CAPG: variants seen among roughly 807,000 people sequenced by gnomAD.
CAPG encodes the protein macrophage-capping protein.
CAPG carries 32 observed loss-of-function variants against 44.6 expected under a neutral mutation model. The observed-to-expected ratio is 0.72, with a 90% CI of 0.54 to 0.96. The LOEUF is 0.96. Among genes scored for constraint, CAPG ranks in the 50% least tolerant of loss-of-function variants. CAPG has a pLI of 0.00. For synonymous variants in CAPG, 175 were observed against 179.6 expected (o/e 0.97, Z 0.20); for missense variants, 412 against 438.3 (o/e 0.94, Z 0.54).
chr2:85,395,817 C>T lies in CAPG; in HGVS notation c.893-191G>A, dbSNP rs910656881. ...CAGTCCCTTAAGAATTTTCCCAAAC[C>T]GGCAGCACCAAGGTAGATGAAAACC... On this transcript the variant is annotated intron_variant, in intron 8 of 9. Coordinates refer to ENST00000263867, the MANE Select transcript of CAPG (RefSeq NM_001747.4). This position sits in a 1 kb window ranked among gnomAD's most constrained non-coding sequence, Gnocchi z 4.3. Among the ~76,000 whole-genome samples, 4 of 152,108 alleles carry T rather than the reference C, an allele frequency of 2.6e-5. No homozygotes were observed. The highest frequency in any genetic ancestry group is 3.2e-3 in the Middle Eastern group (1 of 316).
Position 85,395,703 on chromosome 2 carries a change from T to A in CAPG, c.893-77A>T. ...CCATCCCATTTTTCTTGAGGAAATT[T>A]AAGGGAGTCCACAGAAGAGCCAGCA... On this transcript the variant is annotated intron_variant, in intron 8 of 9. Transcript: ENST00000263867. The surrounding 1 kb of genome is among the most constrained non-coding windows in gnomAD (Gnocchi z 4.3). 1 of 1,058,068 alleles carries A rather than the reference T, an allele frequency of 9.5e-7. No homozygotes were observed. The highest frequency in any genetic ancestry group is 1.4e-6 in the Non-Finnish European group (1 of 703,366). 65.5% of individuals were successfully genotyped at this position (1,058,068 alleles called of 1,614,324 possible). A position where few individuals can be genotyped will look rare whatever the true frequency, so the allele number is the denominator to read the frequency against.
chr2:85,401,845 C>A lies in CAPG; in HGVS notation c.136G>T (p.Asp46Tyr). 3 of 1,614,140 alleles carry A rather than the reference C, an allele frequency of 1.9e-6. No homozygotes were observed. The highest frequency in any genetic ancestry group is 2.5e-6 in the Non-Finnish European group (3 of 1,180,014). Residue 46 changes from aspartate (D) to tyrosine (Y), a missense_variant, in exon 3 of 10, where the codon GAC becomes TAC. Physicochemically the swap from Asp to Tyr is radical, Grantham distance 160 (BLOSUM62 -3). Transcript: ENST00000263867. ...QENQGVFFSG[D>Y]SYLVLHNGPE... The stretch of plus-strand genomic sequence containing the variant: ...CCATTGTGCAGCACTAGGTAGGAGT[C>A]CCCCGAGAAGAAGACGCCCTGGTTC...
chr2:85,403,031 A>G (rs1686978045), intron 1 of CAPG, among the ~76,000 whole-genome samples: 1 of 152,256 alleles, frequency 6.6e-6, no homozygotes, highest in African/African-American at 2.4e-5. Context: ...TCAGCCTCCC[A>G]AAGTGTTGGT....
At chr2:85,418,811 A>T (rs779756776), upstream of CAPG, 2 of 152,192 alleles carry the variant, frequency 1.3e-5, no homozygotes, top group Non-Finnish European at 2.9e-5. Flanking sequence ...TGGGGAAGAG[A>T]TGGCCTTCTC....
chr2:85,393,838 A>T (rs1686472368), downstream of CAPG, among the ~76,000 whole-genome samples: 1 of 152,230 alleles, frequency 6.6e-6, no homozygotes, highest in South Asian at 2.1e-4. Flanking sequence ...TGCTGGGGTT[A>T]TAGGCGTGAA....
At chr2:85,418,066 A>T (rs952583183) in intron 1 of CAPG, among the ~76,000 whole-genome samples, 1 of 152,102 alleles carries the variant, frequency 6.6e-6, no homozygotes, top group Non-Finnish European at 1.5e-5. Context: ...TCAAGCCTGT[A>T]AGGTAACTAG....
upstream of CAPG, among the ~76,000 whole-genome samples, chr2:85,412,063 A>G (rs1476162836): frequency 1.4e-5 from 2 of 147,576 alleles, no homozygotes; most frequent in Non-Finnish European, 1.5e-5. Flanking sequence ...CTCCATCTCA[A>G]AAAAAAAAAA....
At chr2:85,408,090 C>T (rs1169771714) in intron 1 of CAPG, among the ~76,000 whole-genome samples, 2 of 152,122 alleles carry the variant, frequency 1.3e-5, no homozygotes, top group East Asian at 3.8e-4. Context: ...TGCCTGTAAT[C>T]CCAGAACTTT....
At chr2:85,414,043 G>C (rs1286827594), upstream of CAPG, 1 of 152,390 alleles carries the variant, frequency 6.6e-6, no homozygotes, top group Non-Finnish European at 1.5e-5. Context: ...GCCCCCTGGA[G>C]GTGCGCGGCC....
intron 6 of CAPG, 86 bp from the exon 7 acceptor site, chr2:85,398,868 T>C: frequency 9.2e-7 from 1 of 1,085,174 alleles, no homozygotes; most frequent in Non-Finnish European, 1.3e-6. Flanking sequence ...CTGCTTCTGG[T>C]GGGGCAAACT....
chr2:85,405,670 C>T (rs192566934), intron 1 of CAPG, among the ~76,000 whole-genome samples: 2 of 152,318 alleles, frequency 1.3e-5, no homozygotes, highest in East Asian at 3.9e-4. Flanking sequence ...TATGACTTTC[C>T]TTTTCCTTTC....
downstream of CAPG, among the ~76,000 whole-genome samples, chr2:85,392,441 TG>T (rs112353081): frequency 1.4e-5 from 2 of 141,564 alleles, no homozygotes; most frequent in Non-Finnish European, 3.1e-5. Flanking sequence ...AGCTGGGGAG[TG>T]GGGGGCAGGT....
chr2:85,398,440 G>A (rs1295223010), intron 7 of CAPG: 1 of 589,688 alleles, frequency 1.7e-6, no homozygotes, highest in Non-Finnish European at 3.0e-6. Flanking sequence ...GAAAAGCTCA[G>A]CATTGGCTTC....
chr2:85,399,473 C>T (rs1393090433), intron 5 of CAPG, among the ~76,000 whole-genome samples, 188 bp from the exon 6 acceptor site: 1 of 152,218 alleles, frequency 6.6e-6, no homozygotes, highest in Non-Finnish European at 1.5e-5. Flanking sequence ...AACTGTTTCT[C>T]TGCCCACCTG....
chr2:85,395,427 G>A lies in CAPG; in HGVS notation c.981+111C>T. The stretch of plus-strand genomic sequence containing the variant: ...TGGATGGGTCTAAGAGGGAGGCCTG[G>A]TTGTTCCTGACAGTGCCCAAGGCTC... On this transcript the variant is annotated intron_variant, in intron 9 of 9. Transcript: ENST00000263867. This position sits in a 1 kb window ranked among gnomAD's most constrained non-coding sequence, Gnocchi z 4.3. 2 of 787,370 alleles carry A rather than the reference G, an allele frequency of 2.5e-6. No homozygotes were observed. Among genetic ancestry groups the A allele is most frequent in the East Asian group, 2.7e-5 (1 of 37,520 alleles). The allele number at this position is 787,370 out of a possible 1,614,324, so 48.8% of individuals were successfully genotyped here. A position where few individuals can be genotyped will look rare whatever the true frequency, so the allele number is the denominator to read the frequency against.
intron 6 of CAPG, 47 bp downstream of exon 6, chr2:85,399,089 C>G: frequency 6.2e-7 from 1 of 1,600,782 alleles, no homozygotes; most frequent in Non-Finnish European, 8.5e-7. Context: ...CTCTCTTGGC[C>G]ACTTTCAAGC....
chr2:85,395,483 AG>A lies in CAPG; in HGVS notation c.981+54del, dbSNP rs768611237. On this transcript the variant is annotated intron_variant, in intron 9 of 9. Transcript: ENST00000263867. The surrounding 1 kb of genome is among the most constrained non-coding windows in gnomAD (Gnocchi z 4.3). ...CCCTTCCTGGCCAATTTGAGGGGTC[AG>A]GGGCCACAGGAAGAGCCCTAGGAAG... The A allele has an allele frequency of 1.6e-4, 238 of 1,461,050 alleles. 1 individual carries two copies. The highest frequency in any genetic ancestry group is 2.1e-4 in the Non-Finnish European group (222 of 1,050,190). 90.5% of individuals were successfully genotyped at this position (1,461,050 alleles called of 1,614,324 possible).
chr2:85,396,374 T>G (rs61304630), intron 8 of CAPG, among the ~76,000 whole-genome samples: 1 of 151,388 alleles, frequency 6.6e-6, no homozygotes, highest in Non-Finnish European at 1.5e-5. Flanking sequence ...TTTTTTTTTG[T>G]AGAGAAGTGA....
chr2:85,391,867 C>A (rs1341535448), downstream of CAPG: 1 of 152,552 alleles, frequency 6.6e-6, no homozygotes, highest in African/African-American at 2.4e-5. Context: ...GGGTTCCAGC[C>A]TGGTCATGGG....
Sources: gnomAD v4.1 joint callset for allele counts (sites outside exome capture counted in the v4.1 genomes callset) on GRCh38, gnomAD v4.1.1 for gene constraint, Gnocchi (gnomAD v3.1) non-coding constraint, MANE v1.5 for transcripts, NCBI Gene and HGNC (gene_info 2026-07-23, HGNC 2026-07-21) for gene names.